VMP1: variants seen among roughly 807,000 people sequenced by gnomAD.
VMP1 encodes vacuole membrane protein 1.
VMP1 carries 11 observed loss-of-function variants against 56.0 expected under a neutral mutation model. The observed-to-expected ratio is 0.20, with a 90% CI of 0.12 to 0.32. The LOEUF is 0.32. Ranked by LOEUF, VMP1 falls within the 10% of genes least tolerant of loss-of-function variation. The probability of loss-of-function intolerance (pLI) is 1.00; values close to 1 mark genes in which losing one functional copy is unlikely to be tolerated. For missense variants in VMP1, 296 were observed against 490.3 expected, an observed-to-expected ratio of 0.60 and a Z score of 3.74; for synonymous variants, 149 against 165.0, an observed-to-expected ratio of 0.90 and a Z score of 0.74.
At chr17:59,790,707 C>T (rs1335503369) in intron 7 of VMP1, among the ~76,000 whole-genome samples, 1 of 152,174 alleles carries the variant, frequency 6.6e-6, no homozygotes, top group Non-Finnish European at 1.5e-5. Context: ...AGGAGAATCA[C>T]TTGAACCCAG....
intron 10 of VMP1, among the ~76,000 whole-genome samples, chr17:59,830,544 A>G (rs538779425): frequency 4.6e-5 from 7 of 152,194 alleles, no homozygotes; most frequent in Non-Finnish European, 1.0e-4. Context: ...TTGTGCCCAG[A>G]CTTTTTTCTA....
At chr17:59,803,484 G>A (rs1043926270) in intron 7 of VMP1, among the ~76,000 whole-genome samples, 5 of 152,044 alleles carry the variant, frequency 3.3e-5, no homozygotes, top group African/African-American at 1.2e-4. Context: ...TTTTATTTTT[G>A]TGAAAAAAGA....
At chr17:59,734,147 C>T (rs1325876222) in intron 2 of VMP1, among the ~76,000 whole-genome samples, 1 of 152,150 alleles carries the variant, frequency 6.6e-6, no homozygotes, top group South Asian at 2.1e-4. Context: ...TTAGGACATC[C>T]TCTACAAAAG....
At chr17:59,735,596 AC>A in intron 3 of VMP1, 123 bp downstream of exon 3, 2 of 1,013,468 alleles carry the variant, frequency 2.0e-6, no homozygotes, top group Non-Finnish European at 2.9e-6. Context: ...TTAGAATATT[AC>A]CATAGGAACA....
chr17:59,723,570 C>A (rs941472185), intron 1 of VMP1, among the ~76,000 whole-genome samples: 2 of 152,126 alleles, frequency 1.3e-5, no homozygotes, highest in African/African-American at 4.8e-5. Context: ...AGTCATATCA[C>A]AATGGATCAG....
At chr17:59,731,117 C>T (rs1345209357) in intron 1 of VMP1, among the ~76,000 whole-genome samples, 2 of 152,070 alleles carry the variant, frequency 1.3e-5, no homozygotes, top group Non-Finnish European at 2.9e-5. Flanking sequence ...GCTTGATATC[C>T]TCCTTCTGTG....
chr17:59,840,635 C>G lies in VMP1; in HGVS notation c.*724C>G, dbSNP rs141096699. ...GAGCGTTTTGATTTTTTACTTTTAG[C>G]TTATACCAGCTGAATGGCAGCCTTG... On this transcript the variant is annotated 3_prime_UTR_variant, in exon 12 of 12. Transcript: ENST00000262291. The G allele has an allele frequency of 6.5e-6, 1 of 152,678 alleles. No individual in the cohort carries two copies. Among genetic ancestry groups the G allele is most frequent in the African/African-American group, 2.4e-5 (1 of 41,552 alleles). 9.5% of individuals were successfully genotyped at this position (152,678 alleles called of 1,614,324 possible).
intron 7 of VMP1, among the ~76,000 whole-genome samples, chr17:59,789,700 T>G (rs1356913969): frequency 6.6e-6 from 1 of 152,152 alleles, no homozygotes; most frequent in Non-Finnish European, 1.5e-5. Flanking sequence ...GACAGCAGAA[T>G]AGCTATTATG....
intron 6 of VMP1, among the ~76,000 whole-genome samples, chr17:59,766,778 T>A (rs1022460217): frequency 1.3e-5 from 2 of 148,406 alleles, no homozygotes; most frequent in African/African-American, 4.9e-5. Flanking sequence ...TGTGCCTAAA[T>A]TTTTTTTTTT....
At chr17:59,802,865 G>A (rs2037721584) in intron 7 of VMP1, among the ~76,000 whole-genome samples, 1 of 152,194 alleles carries the variant, frequency 6.6e-6, no homozygotes, top group Non-Finnish European at 1.5e-5. Context: ...TCCCACCTCA[G>A]CCTCCCAAGT....
At chr17:59,839,586 T>G (rs1212963687) in intron 11 of VMP1, 182 bp from the exon 12 acceptor site, 2 of 679,468 alleles carry the variant, frequency 2.9e-6, no homozygotes, top group African/African-American at 3.7e-5. Context: ...AAGTGAAATC[T>G]TGATAGTTGG....
intron 1 of VMP1, among the ~76,000 whole-genome samples, chr17:59,714,007 C>CTCCA (rs2034045858): frequency 6.9e-6 from 1 of 144,382 alleles, no homozygotes; most frequent in African/African-American, 2.6e-5. Context: ...TGCCACTGCA[C>CTCCA]TCCAACCTGC....
At chr17:59,830,873 G>C (rs528169087) in intron 10 of VMP1, among the ~76,000 whole-genome samples, 3 of 152,264 alleles carry the variant, frequency 2.0e-5, no homozygotes, top group Admixed American at 6.5e-5. Flanking sequence ...GCCCAGGCTG[G>C]AGTGTAGTGG....
chr17:59,804,305 T>C (rs2037772456), intron 7 of VMP1, among the ~76,000 whole-genome samples: 1 of 152,164 alleles, frequency 6.6e-6, no homozygotes, highest in East Asian at 1.9e-4. Context: ...GTTTTATACA[T>C]GTGGCTTTGA....
intron 10 of VMP1, among the ~76,000 whole-genome samples, chr17:59,827,018 A>G (rs754539701): frequency 2.6e-5 from 4 of 152,190 alleles, no homozygotes; most frequent in Non-Finnish European, 5.9e-5. Context: ...GTTACTTTCA[A>G]TGAAAAACCT....
intron 7 of VMP1, among the ~76,000 whole-genome samples, chr17:59,799,174 A>C (rs1162226076): frequency 6.6e-6 from 1 of 152,136 alleles, no homozygotes; most frequent in African/African-American, 2.4e-5. Context: ...TAGATATGAG[A>C]ACTTATGTTT....
At chr17:59,739,049 T>A in intron 5 of VMP1, 102 bp downstream of exon 5, 1 of 892,816 alleles carries the variant, frequency 1.1e-6, no homozygotes, top group Non-Finnish European at 1.6e-6. Context: ...TTTAATTACC[T>A]TTGTGTTTTG....
At chr17:59,788,455 C>A (rs535747713) in intron 7 of VMP1, among the ~76,000 whole-genome samples, 61 of 151,504 alleles carry the variant, frequency 4.0e-4, no homozygotes, top group African/African-American at 1.5e-3. Flanking sequence ...CCACTGCACT[C>A]CAGCCTGGGT....
intron 6 of VMP1, among the ~76,000 whole-genome samples, chr17:59,767,124 T>G (rs1349143946): frequency 7.0e-6 from 1 of 142,512 alleles, no homozygotes. Context: ...CCATTTGAGG[T>G]TTTTTTTTTT....
Sources: allele counts gnomAD v4.1 joint callset (sites outside exome capture counted in the v4.1 genomes callset), GRCh38; gene constraint gnomAD v4.1.1; transcripts MANE v1.5; gene names NCBI Gene and HGNC (gene_info 2026-07-23, HGNC 2026-07-21).